The following LMO7 variants were observed in gnomAD, a reference collection of about 807,000 sequenced individuals.
The protein encoded by LMO7 is LIM domain only protein 7.
A neutral mutation model predicts 206.5 loss-of-function variants in LMO7; 120 were observed. The ratio of observed to expected loss-of-function variants is 0.58; its 90% confidence interval spans 0.50 to 0.68. The LOEUF (loss-of-function observed/expected upper bound fraction) is 0.68. LMO7 is among the 30% of genes least tolerant of loss of function. LMO7 has a pLI of 0.00. For missense variants in LMO7, 1,959 were observed against 1,957.9 expected (o/e 1.00, Z -0.01); for synonymous variants, 706 against 681.5 (o/e 1.04, Z -0.56).
chr13:75,817,106 C>G (rs2057087012), intron 11 of LMO7, 55 bp from the exon 12 acceptor site: 1 of 1,267,072 alleles, frequency 7.9e-7, no homozygotes, highest in African/African-American at 1.5e-5. Context: ...CTCAGTTTAA[C>G]CCCTAAGTCT....
intron 3 of LMO7, among the ~76,000 whole-genome samples, chr13:75,733,552 G>C (rs1292856881): frequency 6.6e-6 from 1 of 152,186 alleles, no homozygotes; most frequent in Non-Finnish European, 1.5e-5. Flanking sequence ...GACTAGGAAA[G>C]GGAACTCCCT....
chr13:75,623,455 C>T, intron 2 of LMO7: 1 of 577,112 alleles, frequency 1.7e-6, no homozygotes, highest in Non-Finnish European at 3.1e-6. Flanking sequence ...CCTCTGCCTC[C>T]CGGGTTCAAG....
In LMO7 at chr13:75,795,407, A is replaced by C. The variant is rs141533439; in HGVS notation, c.324A>C (p.Glu108Asp). The C allele has an allele frequency of 5.0e-6, 8 of 1,588,520 alleles. No individual in the cohort carries two copies. Among genetic ancestry groups the C allele is most frequent in the Non-Finnish European group, 6.9e-6 (8 of 1,161,316 alleles). Residue 108 changes from glutamate (E) to aspartate (D), a missense_variant, in exon 5 of 31, where the codon GAA becomes GAC. Coordinates refer to ENST00000377534, the MANE Select transcript of LMO7 (RefSeq NM_001306080.2). Reference sequence around the variant, plus strand: ...ATATTTTCTTTCTTTACAGGCAAGAAGAGACTGACAGGAGAGTGAAAAATG... The same window carrying C: ...ATATTTTCTTTCTTTACAGGCAAGACGAGACTGACAGGAGAGTGAAAAATG... ...DLSNRVTVKQ[E>D]ETDRRVKNVL... is the part of the protein sequence containing the mutation.
In LMO7 at chr13:75,835,256, G is replaced by A; in HGVS notation, c.3250G>A (p.Asp1084Asn). The A allele has an allele frequency of 6.2e-7, 1 of 1,611,994 alleles. No homozygotes were observed. Among genetic ancestry groups the A allele is most frequent in the East Asian group, 2.2e-5 (1 of 44,758 alleles). The part of the protein sequence containing the change: ...KAGSPETKWI[D>N]ATSGIYNSEK... ...AGGTTCACCTGAAACAAAGTGGATT[G>A]ATGCAACTTCTGGAATTTACAACTC... The change falls in exon 18 of 31, where the codon GAT becomes AAT. Residue 1084 changes from aspartate (D) to asparagine (N), a missense_variant. Physicochemically the swap from Asp to Asn is conservative, Grantham distance 23 (BLOSUM62 1). Transcript: ENST00000377534.
chr13:75,831,099 G>A (rs1322033464), intron 15 of LMO7, among the ~76,000 whole-genome samples: 1 of 152,000 alleles, frequency 6.6e-6, no homozygotes, highest in Non-Finnish European at 1.5e-5. Context: ...CCTACCAGTA[G>A]TTTTTGCTAT....
At chr13:75,795,595 C>G (rs1265148375) in intron 5 of LMO7, among the ~76,000 whole-genome samples, 164 bp downstream of exon 5, 2 of 152,142 alleles carry the variant, frequency 1.3e-5, no homozygotes, top group African/African-American at 4.8e-5. Flanking sequence ...ATATGCATTA[C>G]AATATATGGT....
At chr13:75,679,670 T>G (rs1430939656) in intron 1 of LMO7, among the ~76,000 whole-genome samples, 1 of 152,158 alleles carries the variant, frequency 6.6e-6, no homozygotes, top group Non-Finnish European at 1.5e-5. Flanking sequence ...AGCCTTGACC[T>G]CCTGGACTTA....
At chr13:75,833,629 C>CAAAAGGAT (rs2058875858) in intron 16 of LMO7, among the ~76,000 whole-genome samples, 1 of 152,124 alleles carries the variant, frequency 6.6e-6, no homozygotes. Flanking sequence ...CTGTCCAGGT[C>CAAAAGGAT]TATACCATGT....
chr13:75,696,367 A>G (rs2041906503), intron 1 of LMO7, among the ~76,000 whole-genome samples: 1 of 124,870 alleles, frequency 8.0e-6, no homozygotes, highest in Admixed American at 1.1e-4. Flanking sequence ...AAAAACAAAC[A>G]AACAAACAAA....
intron 10 of LMO7, among the ~76,000 whole-genome samples, chr13:75,808,475 C>T (rs899404396): frequency 6.6e-6 from 1 of 152,142 alleles, no homozygotes; most frequent in Non-Finnish European, 1.5e-5. Context: ...GTGGTACTAT[C>T]CACCAATATG....
chr13:75,680,488 G>A (rs2040385952), intron 1 of LMO7, among the ~76,000 whole-genome samples: 1 of 151,974 alleles, frequency 6.6e-6, no homozygotes, highest in African/African-American at 2.4e-5. Flanking sequence ...CTTCCACAGT[G>A]GTTGAACTAA....
chr13:75,829,723 A>G (rs563047804), intron 15 of LMO7, among the ~76,000 whole-genome samples: 58 of 151,540 alleles, frequency 3.8e-4, no homozygotes, highest in Admixed American at 3.6e-3. Flanking sequence ...AATTCTATCT[A>G]TGTTGACATG....
chr13:75,708,174 A>G (rs2138013878), intron 1 of LMO7, among the ~76,000 whole-genome samples: 1 of 152,300 alleles, frequency 6.6e-6, no homozygotes. Flanking sequence ...ACTACAAACT[A>G]ATAAGCAGGT....
At chr13:75,735,046 C>T (rs1004728738) in intron 3 of LMO7, among the ~76,000 whole-genome samples, 4 of 150,420 alleles carry the variant, frequency 2.7e-5, no homozygotes, top group Non-Finnish European at 4.4e-5. Flanking sequence ...TGCAGTTAGC[C>T]GAGATCACGC....
intron 3 of LMO7, among the ~76,000 whole-genome samples, chr13:75,731,895 G>T (rs1343524847): frequency 6.6e-6 from 1 of 151,996 alleles, no homozygotes. Context: ...ATGAAGCTTA[G>T]TTTGGCTGGA....
At chr13:75,772,156 T>G (rs1374729547) in intron 4 of LMO7, among the ~76,000 whole-genome samples, 1 of 152,146 alleles carries the variant, frequency 6.6e-6, no homozygotes. Context: ...TTACCAAGCC[T>G]TTAGAAATAA....
intron 2 of LMO7, among the ~76,000 whole-genome samples, chr13:75,713,707 C>A (rs776275613): frequency 6.6e-6 from 1 of 152,070 alleles, no homozygotes; most frequent in Non-Finnish European, 1.5e-5. Flanking sequence ...CATTACATTA[C>A]CAAAATCAAT....
intron 1 of LMO7, among the ~76,000 whole-genome samples, chr13:75,652,756 T>C (rs2037708025): frequency 6.6e-6 from 1 of 152,188 alleles, no homozygotes; most frequent in South Asian, 2.1e-4. Context: ...AGTAAAATGC[T>C]GCTTTATTAA....
intron 1 of LMO7, among the ~76,000 whole-genome samples, chr13:75,683,038 A>C (rs539391891): frequency 1.3e-5 from 2 of 150,306 alleles, no homozygotes; most frequent in South Asian, 4.2e-4. Context: ...GCAAACATTT[A>C]CTTCCAGTGG....
Sources: allele counts gnomAD v4.1 joint callset (sites outside exome capture counted in the v4.1 genomes callset), GRCh38; gene constraint gnomAD v4.1.1; transcripts MANE v1.5; gene names NCBI Gene and HGNC (gene_info 2026-07-23, HGNC 2026-07-21).